The following TBCK variants were observed in gnomAD, a reference collection of about 807,000 sequenced individuals.
The protein encoded by TBCK is TBC domain-containing protein kinase-like protein.
A neutral mutation model predicts 113.4 loss-of-function variants in TBCK; 99 were observed. That is an observed-to-expected ratio of 0.87 (90% CI 0.74 to 1.03). The LOEUF (loss-of-function observed/expected upper bound fraction) is 1.03. Among genes scored for constraint, TBCK ranks in the 50% least tolerant of loss-of-function variants. The pLI is 0.00. For missense variants in TBCK, 1,045 were observed against 1,061.3 expected (o/e 0.98, Z 0.21); for synonymous variants, 369 against 370.8 (o/e 1.00, Z 0.05).
chr4:106,072,503 A>G (rs755033154), intron 25 of TBCK, among the ~76,000 whole-genome samples: 7 of 152,140 alleles, frequency 4.6e-5, no homozygotes, highest in South Asian at 2.1e-4. Context: ...GGGTAACCCA[A>G]TCTTTCTCTC....
At chr4:106,203,314 T>C (rs900611742) in intron 20 of TBCK, among the ~76,000 whole-genome samples, 2 of 150,500 alleles carry the variant, frequency 1.3e-5, no homozygotes. Context: ...ACTTTCAAAA[T>C]AAGGAATATA....
chr4:106,124,083 A>C (rs552271321), intron 23 of TBCK, among the ~76,000 whole-genome samples: 375 of 150,962 alleles, frequency 2.5e-3, no homozygotes, highest in South Asian at 0.016. Context: ...AATGGGAGAA[A>C]ATTTTCGCAA....
intron 23 of TBCK, among the ~76,000 whole-genome samples, chr4:106,124,327 C>G (rs1744867364): frequency 6.6e-6 from 1 of 151,982 alleles, no homozygotes; most frequent in African/African-American, 2.4e-5. Flanking sequence ...GTTAGAATGG[C>G]AATCATTAAA....
At chr4:106,167,500 C>T (rs1179747887) in intron 23 of TBCK, among the ~76,000 whole-genome samples, 1 of 150,966 alleles carries the variant, frequency 6.6e-6, no homozygotes, top group Non-Finnish European at 1.5e-5. Flanking sequence ...AAATTAAGTT[C>T]AAAGTGAGTA....
At chr4:106,133,417 A>G (rs1487383898) in intron 23 of TBCK, among the ~76,000 whole-genome samples, 1 of 152,202 alleles carries the variant, frequency 6.6e-6, no homozygotes, top group Admixed American at 6.5e-5. Context: ...TCCTTTATAA[A>G]TTACTCAGTC....
At chr4:106,181,212 G>T (rs1181234180) in intron 22 of TBCK, among the ~76,000 whole-genome samples, 2 of 152,204 alleles carry the variant, frequency 1.3e-5, no homozygotes, top group African/African-American at 4.8e-5. Context: ...TTTTGATGGG[G>T]TTCTTGGCTT....
At chr4:106,210,007 T>C (rs1427572963) in intron 20 of TBCK, among the ~76,000 whole-genome samples, 1 of 152,192 alleles carries the variant, frequency 6.6e-6, no homozygotes, top group Non-Finnish European at 1.5e-5. Context: ...CTTTATTCTT[T>C]TCAGGATTAC....
At chr4:106,209,540 G>A (rs1183972379) in intron 20 of TBCK, among the ~76,000 whole-genome samples, 2 of 152,000 alleles carry the variant, frequency 1.3e-5, no homozygotes, top group East Asian at 3.8e-4. Context: ...GTCTTCTAAT[G>A]GATCTAGAAT....
intron 20 of TBCK, among the ~76,000 whole-genome samples, chr4:106,204,341 C>G (rs985337776): frequency 6.6e-6 from 1 of 152,204 alleles, no homozygotes; most frequent in African/African-American, 2.4e-5. Flanking sequence ...AACCTCTACA[C>G]CAGCTTTCTT....
At chr4:106,231,109 A>G (rs1758809658) in intron 18 of TBCK, among the ~76,000 whole-genome samples, 1 of 151,738 alleles carries the variant, frequency 6.6e-6, no homozygotes, top group Non-Finnish European at 1.5e-5. Context: ...AGGCATCTAG[A>G]CATTCAAGCT....
intron 23 of TBCK, chr4:106,163,501 C>T (rs1057271292): frequency 2.6e-5 from 4 of 152,092 alleles, no homozygotes; most frequent in African/African-American, 7.2e-5. Flanking sequence ...TCTCATACTG[C>T]TCATAAAGAC....
chr4:106,148,650 G>T (rs1406484285), intron 23 of TBCK, among the ~76,000 whole-genome samples: 1 of 152,148 alleles, frequency 6.6e-6, no homozygotes, highest in Admixed American at 6.5e-5. Flanking sequence ...AAAATATTTA[G>T]TAAACCACAC....
rs1754031297 is a variant in TBCK at position 106,194,764 on chromosome 4, G to C, written c.1861-10C>G. The stretch of plus-strand genomic sequence containing the variant: ...AAGGGATGGCATAGAGCTATGAGTG[G>C]AAAAAGGGGTACAGGGAATGGATAA... On this transcript the variant is annotated splice_polypyrimidine_tract_variant and intron_variant, in intron 20 of 25. Transcript: ENST00000394708. 6.4e-7 allele frequency: 1 copy of C among 1,573,140 alleles called. No homozygotes were observed. The highest frequency in any genetic ancestry group is 1.2e-5 in the South Asian group (1 of 84,524).
chr4:106,266,824 C>G (rs1763037316), intron 3 of TBCK, among the ~76,000 whole-genome samples: 1 of 151,844 alleles, frequency 6.6e-6, no homozygotes, highest in Non-Finnish European at 1.5e-5. Context: ...TATGTACTTA[C>G]TAGCTTTTTA....
rs147534973 is a variant in TBCK at position 106,048,341 on chromosome 4, C to T, written c.2572-1661G>A. On this transcript the variant is annotated intron_variant, in intron 25 of 25. Transcript: ENST00000394708. The stretch of plus-strand genomic sequence containing the variant: ...TCTCTGTGATTCTCTGCAGTGGCTC[C>T]ACAGAGATTCAAACGGCTGTTCATA... 1.2e-4 allele frequency among the ~76,000 whole-genome samples: 18 copies of T among 152,210 alleles called. No homozygotes were observed. The East Asian group carries it at 2.1e-3, about 18-fold the overall frequency.
chr4:106,144,735 T>G (rs1747555074), intron 23 of TBCK, among the ~76,000 whole-genome samples: 1 of 152,150 alleles, frequency 6.6e-6, no homozygotes, highest in South Asian at 2.1e-4. Flanking sequence ...TTGTTCATAT[T>G]TTTTTGGGCT....
intron 24 of TBCK, among the ~76,000 whole-genome samples, chr4:106,101,132 T>A (rs1008110551): frequency 2.6e-5 from 4 of 152,186 alleles, no homozygotes; most frequent in Non-Finnish European, 5.9e-5. Flanking sequence ...AACTAAACTC[T>A]ATATCCCCAT....
chr4:106,241,357 A>G (rs537528830), intron 12 of TBCK, among the ~76,000 whole-genome samples: 1 of 151,830 alleles, frequency 6.6e-6, no homozygotes, highest in Non-Finnish European at 1.5e-5. Context: ...TGCAATGTCA[A>G]TCAAAACCCT....
chr4:106,078,055 C>T (rs1397051908), intron 25 of TBCK, among the ~76,000 whole-genome samples: 1 of 151,998 alleles, frequency 6.6e-6, no homozygotes, highest in Non-Finnish European at 1.5e-5. Flanking sequence ...GGGTAAATAA[C>T]AAAATTAAGG....
Sources: gnomAD v4.1 joint callset for allele counts (sites outside exome capture counted in the v4.1 genomes callset) on GRCh38, gnomAD v4.1.1 for gene constraint, MANE v1.5 for transcripts, NCBI Gene and HGNC (gene_info 2026-07-23, HGNC 2026-07-21) for gene names.